PCDHGA3: variants seen among roughly 807,000 people sequenced by gnomAD.
PCDHGA3 encodes the protein protocadherin gamma subfamily A, 3.
In PCDHGA3, 40 loss-of-function variants were observed where a neutral mutation model predicts 58.5. The observed-to-expected ratio is 0.68, with a 90% CI of 0.53 to 0.89. The LOEUF (loss-of-function observed/expected upper bound fraction) is 0.89. PCDHGA3 is among the 40% of genes least tolerant of loss of function. PCDHGA3 has a pLI of 0.00. For synonymous variants in PCDHGA3, 530 were observed against 525.7 expected, an observed-to-expected ratio of 1.01 and a Z score of -0.11; for missense variants, 1,223 against 1,195.9, an observed-to-expected ratio of 1.02 and a Z score of -0.33.
chr5:141,357,872 T>A (rs1760752511), intron 1 of PCDHGA3: 1 of 562,694 alleles, frequency 1.8e-6, no homozygotes, highest in African/African-American at 1.9e-5. Flanking sequence ...ATTTTACAAC[T>A]CTGAGCCACC....
At chr5:141,382,930 A>G (rs1292069137) in intron 1 of PCDHGA3, 9 of 1,583,428 alleles carry the variant, frequency 5.7e-6, no homozygotes, top group East Asian at 4.5e-5. Context: ...CGGGGACTAC[A>G]GAGGATTCTT....
intron 3 of PCDHGA3, among the ~76,000 whole-genome samples, chr5:141,506,032 G>A (rs994735467): frequency 5.9e-5 from 9 of 152,166 alleles, no homozygotes; most frequent in Non-Finnish European, 1.0e-4. Context: ...TCCAGAGTAG[G>A]ATTCTGGTTT....
chr5:141,361,963 C>T, intron 1 of PCDHGA3: 1 of 1,602,208 alleles, frequency 6.2e-7, no homozygotes. Context: ...CCACGTGCTG[C>T]AGGCCAGCGA....
intron 1 of PCDHGA3, chr5:141,352,159 G>C: frequency 1.2e-6 from 2 of 1,613,054 alleles, no homozygotes; most frequent in Non-Finnish European, 1.7e-6. Context: ...ACAGGGACGC[G>C]GCCCGCCAGC....
At chr5:141,412,903 G>C (rs2095586511) in intron 1 of PCDHGA3, 1 of 376,030 alleles carries the variant, frequency 2.7e-6, no homozygotes, top group African/African-American at 2.1e-5. Context: ...ACTTTCCATT[G>C]CATGTATCAC....
In PCDHGA3 at chr5:141,385,469, C is replaced by T. The variant is rs536184133; in HGVS notation, c.2424+39012C>T. 3.5e-5 allele frequency: 50 copies of T among 1,439,702 alleles called. No homozygotes were observed. In the South Asian group the frequency reaches 7.4e-4, roughly 21 times the overall value. The allele number at this position is 1,439,702 out of a possible 1,614,324, so 89.2% of individuals were successfully genotyped here. ...GTTTACCAGTTTCCTTCAGTGGTGA[C>T]ACTTTAATATAGAACACATAGGATA... On this transcript the variant is annotated intron_variant, in intron 1 of 3. Transcript: ENST00000253812.
intron 1 of PCDHGA3, chr5:141,376,162 G>A (rs1480360111): frequency 1.2e-6 from 2 of 1,614,084 alleles, no homozygotes; most frequent in African/African-American, 1.3e-5. Flanking sequence ...CTCTGTACCT[G>A]GTGGTGGCGG....
At chr5:141,365,169 CT>C in intron 1 of PCDHGA3, 1 of 1,613,926 alleles carries the variant, frequency 6.2e-7, no homozygotes, top group East Asian at 2.2e-5. Context: ...TTGACCTACT[CT>C]TTTCGCAATG....
In PCDHGA3 at chr5:141,399,479, C is replaced by T. The variant is rs774561101; in HGVS notation, c.2424+53022C>T. 3 of 1,614,032 alleles carry T rather than the reference C, an allele frequency of 1.9e-6. No individual in the cohort carries two copies. In the Admixed American group the frequency reaches 5.0e-5, roughly 27 times the overall value. On this transcript the variant is annotated intron_variant, in intron 1 of 3. Transcript: ENST00000253812. ...GATAACGCTCCGGTTTTCCACCAGG[C>T]GTCCTACTTAGTCAGTGTACCCGAA...
At chr5:141,492,241 C>G (rs1351937353) in intron 1 of PCDHGA3, among the ~76,000 whole-genome samples, 2 of 152,186 alleles carry the variant, frequency 1.3e-5, no homozygotes, top group East Asian at 3.9e-4. Context: ...TGCTGGCCAC[C>G]CCCACGGCCC....
At chr5:141,502,914 T>G (rs78646636) in intron 2 of PCDHGA3, among the ~76,000 whole-genome samples, 4,865 of 139,540 alleles carry the variant, frequency 0.035, 119 homozygotes, top group South Asian at 0.075. Flanking sequence ...CAGGCTGGAG[T>G]GCAGTGGCAA....
At chr5:141,381,826 CTT>C (rs770630741) in intron 1 of PCDHGA3, among the ~76,000 whole-genome samples, 2,382 of 74,222 alleles carry the variant, frequency 0.032, 21 homozygotes, top group African/African-American at 0.07. Context: ...CTTTCTTCTT[CTT>C]TTTTTTTTTT....
intron 1 of PCDHGA3, chr5:141,417,676 C>A (rs902104404): frequency 4.0e-6 from 4 of 993,448 alleles, no homozygotes; most frequent in Middle Eastern, 3.3e-4. Flanking sequence ...GCGCAGCCAA[C>A]AACAGAAAAG....
intron 1 of PCDHGA3, among the ~76,000 whole-genome samples, chr5:141,443,008 T>C (rs2098358096): frequency 1.3e-5 from 2 of 152,220 alleles, no homozygotes; most frequent in Admixed American, 1.3e-4. Context: ...TCTAAGAATA[T>C]GACTAATGGA....
intron 1 of PCDHGA3, among the ~76,000 whole-genome samples, chr5:141,469,029 C>A (rs2099189188): frequency 6.6e-6 from 1 of 152,052 alleles, no homozygotes; most frequent in Non-Finnish European, 1.5e-5. Flanking sequence ...GTAATCCCAG[C>A]ACTTTGGGAG....
At chr5:141,451,535 A>G (rs150174911) in intron 1 of PCDHGA3, among the ~76,000 whole-genome samples, 2 of 152,328 alleles carry the variant, frequency 1.3e-5, no homozygotes, top group Non-Finnish European at 2.9e-5. Flanking sequence ...GGAGAGTGCC[A>G]GAGAGGGCAA....
rs897116364 is a variant in PCDHGA3 at position 141,366,050 on chromosome 5, G to C, written c.2424+19593G>C. On this transcript the variant is annotated intron_variant, in intron 1 of 3. Coordinates refer to ENST00000253812, the MANE Select transcript of PCDHGA3 (RefSeq NM_018916.4). ...CGCCCTCCCCACAGACGGTTCCACGGGCGTGGAGCTGGCGCCTCGCTCCGC... is the reference window on the plus strand; with the variant it reads ...CGCCCTCCCCACAGACGGTTCCACGCGCGTGGAGCTGGCGCCTCGCTCCGC... The C allele has an allele frequency of 1.1e-5, 17 of 1,614,126 alleles. No homozygotes were observed. The highest frequency in any genetic ancestry group is 2.2e-5 in the South Asian group (2 of 91,088).
intron 1 of PCDHGA3, chr5:141,384,578 C>T: frequency 5.0e-6 from 8 of 1,614,256 alleles, no homozygotes; most frequent in Non-Finnish European, 6.8e-6. Flanking sequence ...GACAACCCGC[C>T]CGAGATCCTG....
rs1688094877 is a variant in PCDHGA3 at position 141,432,625 on chromosome 5, C to T, written c.2425-62182C>T. 1.2e-6 allele frequency: 2 copies of T among 1,613,240 alleles called. No individual in the cohort carries two copies. The highest frequency in any genetic ancestry group is 1.7e-6 in the Non-Finnish European group (2 of 1,179,778). ...CGGGACTCTTCTCGGTGGGTCTGCA[C>T]ACGGGCGAGGTGCGCACGGCGCGAG... On this transcript the variant is annotated intron_variant, in intron 1 of 3. Coordinates refer to ENST00000253812, the MANE Select transcript of PCDHGA3 (RefSeq NM_018916.4). The surrounding 1 kb of genome is among the most constrained non-coding windows in gnomAD (Gnocchi z 6.0).
Sources: gnomAD v4.1 joint callset for allele counts (sites outside exome capture counted in the v4.1 genomes callset) on GRCh38, gnomAD v4.1.1 for gene constraint, Gnocchi (gnomAD v3.1) non-coding constraint, MANE v1.5 for transcripts, NCBI Gene and HGNC (gene_info 2026-07-23, HGNC 2026-07-21) for gene names.